Variants in NIBAN2 observed in about 807,000 individuals in gnomAD.
NIBAN2 encodes niban apoptosis regulator 2, also known as protein Niban 2.
A neutral mutation model predicts 81.8 loss-of-function variants in NIBAN2; 36 were observed. That is an observed-to-expected ratio of 0.44 (90% confidence interval 0.34 to 0.58). NIBAN2 has a LOEUF of 0.58. NIBAN2 is among the 20% of genes least tolerant of loss of function. The pLI is 0.02. For missense variants in NIBAN2, 897 were observed against 1,014.1 expected, an observed-to-expected ratio of 0.88 and a Z score of 1.57; for synonymous variants, 445 against 441.6, an observed-to-expected ratio of 1.01 and a Z score of -0.10.
intron 1 of NIBAN2, among the ~76,000 whole-genome samples, chr9:127,562,977 G>A (rs538631789): frequency 2.0e-5 from 3 of 152,186 alleles, no homozygotes; most frequent in South Asian, 2.1e-4. Context: ...TGTAATGATC[G>A]ACACAGATGG....
rs1245873840 is a variant in NIBAN2 at position 127,517,294 on chromosome 9, C to T, written c.706-78G>A. The T allele has an allele frequency of 2.4e-6, 3 of 1,270,358 alleles. No individual in the cohort carries two copies. The African/African-American group carries it at 4.4e-5, about 19-fold the overall frequency. 78.7% of individuals were successfully genotyped at this position (1,270,358 alleles called of 1,614,324 possible). A position where few individuals can be genotyped will look rare whatever the true frequency, so the allele number is the denominator to read the frequency against. ...CTGTTTCTCTCTGCATTCCCACAAG[C>T]CAGGCCGCTGCAGCCCCCACCTCCT... is the stretch of plus-strand genomic sequence containing the variant. On this transcript the variant is annotated intron_variant, in intron 6 of 13. Coordinates refer to ENST00000373312, the MANE Select transcript of NIBAN2 (RefSeq NM_022833.4). This position sits in a 1 kb window ranked among gnomAD's most constrained non-coding sequence, Gnocchi z 4.0.
intron 5 of NIBAN2, among the ~76,000 whole-genome samples, chr9:127,523,195 ATATATATATATATATATATATAT>A (rs1181621861): frequency 0.097 from 443 of 4,560 alleles, 139 homozygotes; most frequent in Non-Finnish European, 0.14. Flanking sequence ...AAAAAAAAAT[ATATATATATATATATATATATAT>A]ATATATATAT....
At chr9:127,529,156 G>T (rs980311703) in intron 2 of NIBAN2, among the ~76,000 whole-genome samples, 1 of 152,192 alleles carries the variant, frequency 6.6e-6, no homozygotes, top group South Asian at 2.1e-4. Context: ...CCAATGCCTC[G>T]GTCAGAGACA....
intron 1 of NIBAN2, among the ~76,000 whole-genome samples, chr9:127,549,987 C>T (rs186492072): frequency 1.8e-4 from 28 of 152,272 alleles, no homozygotes; most frequent in South Asian, 1.5e-3. Context: ...AGAGACCCTG[C>T]GCAGCCAACA....
Position 127,578,354 on chromosome 9 carries a change from C to CA in NIBAN2, c.16+567dup, listed in dbSNP as rs150337961. ...TGGGCAACAGAGTGAGACTTGGTCT[C>CA]AAAAAAAAAAAAAAAAAAAAAAAGT... On this transcript the variant is annotated intron_variant, in intron 1 of 13. Transcript: ENST00000373314. Among the ~76,000 whole-genome samples, 662 of 83,508 alleles carry CA rather than the reference C, an allele frequency of 7.9e-3. 5 individuals carry two copies. Among genetic ancestry groups the CA allele is most frequent in the Non-Finnish European group, 0.012 (519 of 43,742 alleles). The allele number at this position is 83,508 out of a possible 152,430, so 54.8% of individuals were successfully genotyped here.
At chr9:127,566,858 G>T (rs1236187102) in intron 1 of NIBAN2, among the ~76,000 whole-genome samples, 1 of 152,024 alleles carries the variant, frequency 6.6e-6, no homozygotes, top group Non-Finnish European at 1.5e-5. Context: ...CTTCCTCTGG[G>T]GAGACTGGGA....
At chr9:127,575,937 C>T (rs551301134) in intron 1 of NIBAN2, among the ~76,000 whole-genome samples, 4 of 152,170 alleles carry the variant, frequency 2.6e-5, no homozygotes, top group Non-Finnish European at 5.9e-5. Flanking sequence ...ACCCTGCCCC[C>T]CTACTAGGTC....
rs1230242603 is a variant in NIBAN2 at position 127,554,548 on chromosome 9, C to CTTTTT, written c.55+14267_55+14271dup. ...GGGTTATTCTTTTCTTTTTCTTTTT[C>CTTTTT]TTTTTTTTTTTTTTTTTTTTTTTGC... is the stretch of plus-strand genomic sequence containing the variant. On this transcript the variant is annotated intron_variant, in intron 1 of 13. Transcript: ENST00000373312. Among the ~76,000 whole-genome samples, 670 of 103,582 alleles carry CTTTTT rather than the reference C, an allele frequency of 6.5e-3. 1 individual carries two copies. Among genetic ancestry groups the CTTTTT allele is most frequent in the Middle Eastern group, 0.019 (2 of 106 alleles). 68.0% of individuals were successfully genotyped at this position (103,582 alleles called of 152,430 possible).
intron 5 of NIBAN2, among the ~76,000 whole-genome samples, chr9:127,519,429 C>T (rs1217907742): frequency 6.6e-6 from 1 of 152,086 alleles, no homozygotes; most frequent in East Asian, 1.9e-4. Context: ...CTCCCCTGGC[C>T]GCGTGCCTCT....
Position 127,536,918 on chromosome 9 carries a change from A to G in NIBAN2, c.56-5140T>C, listed in dbSNP as rs1457475994. On this transcript the variant is annotated intron_variant, in intron 1 of 13. Coordinates refer to ENST00000373312, the MANE Select transcript of NIBAN2 (RefSeq NM_022833.4). The surrounding 1 kb of genome is among the most constrained non-coding windows in gnomAD (Gnocchi z 4.0). ...GGGCTGGCCCGCAGGTCCTGGGCCC[A>G]GGAACTGGGGGGCTCCAGCTGGTGG... Among the ~76,000 whole-genome samples the G allele has an allele frequency of 6.6e-6, 1 of 152,186 alleles. No homozygotes were observed. The highest frequency in any genetic ancestry group is 1.5e-5 in the Non-Finnish European group (1 of 68,000).
At chr9:127,550,696 A>G (rs940210816) in intron 1 of NIBAN2, among the ~76,000 whole-genome samples, 1 of 152,086 alleles carries the variant, frequency 6.6e-6, no homozygotes, top group Non-Finnish European at 1.5e-5. Flanking sequence ...GTCCATATAA[A>G]CCAGGGCCTC....
intron 8 of NIBAN2, among the ~76,000 whole-genome samples, chr9:127,514,135 G>A (rs926859212): frequency 6.6e-6 from 1 of 151,994 alleles, no homozygotes; most frequent in Non-Finnish European, 1.5e-5. Flanking sequence ...CGGGCGTGGT[G>A]GTATGTGCCT....
chr9:127,526,739 C>T (rs577649745), intron 3 of NIBAN2, among the ~76,000 whole-genome samples: 2 of 152,244 alleles, frequency 1.3e-5, no homozygotes, highest in South Asian at 2.1e-4. Context: ...ATGTCCTTCT[C>T]GGACACCTAC....
At chr9:127,535,356 C>CCTGGG (rs1012531929) in intron 1 of NIBAN2, among the ~76,000 whole-genome samples, 6 of 152,224 alleles carry the variant, frequency 3.9e-5, no homozygotes, top group African/African-American at 1.2e-4. Context: ...CAGAAAGGCC[C>CCTGGG]CTGGGCTGGG....
At chr9:127,523,299 C>T (rs970784283) in intron 5 of NIBAN2, among the ~76,000 whole-genome samples, 2 of 129,476 alleles carry the variant, frequency 1.5e-5, no homozygotes, top group African/African-American at 5.9e-5. Context: ...GACTCTAAAT[C>T]CTCATAACCC....
chr9:127,535,077 G>A (rs566078187), intron 1 of NIBAN2, among the ~76,000 whole-genome samples: 3 of 152,342 alleles, frequency 2.0e-5, no homozygotes, highest in South Asian at 2.1e-4. Flanking sequence ...TTCTATCAAC[G>A]TGGTCGGCAG....
intron 1 of NIBAN2, among the ~76,000 whole-genome samples, chr9:127,568,556 C>T (rs1837898155): frequency 6.6e-6 from 1 of 152,118 alleles, no homozygotes; most frequent in Admixed American, 6.5e-5. Context: ...GTCCGCCAAG[C>T]CCGGGCTCCG....
At chr9:127,538,957 AAAAAG>A (rs1349926590) in intron 1 of NIBAN2, among the ~76,000 whole-genome samples, 3 of 151,976 alleles carry the variant, frequency 2.0e-5, no homozygotes, top group Admixed American at 6.6e-5. Context: ...AAAAAAAAAA[AAAAAG>A]AAAGAAATGC....
At chr9:127,514,323 G>A (rs1477909480) in intron 8 of NIBAN2, among the ~76,000 whole-genome samples, 1 of 150,190 alleles carries the variant, frequency 6.7e-6, no homozygotes, top group Non-Finnish European at 1.5e-5. Context: ...GTAACACAAA[G>A]GATAAATGCT....
Sources: gnomAD v4.1 joint callset for allele counts (sites outside exome capture counted in the v4.1 genomes callset) on GRCh38, gnomAD v4.1.1 for gene constraint, Gnocchi (gnomAD v3.1) non-coding constraint, MANE v1.5 for transcripts, NCBI Gene and HGNC (gene_info 2026-07-23, HGNC 2026-07-21) for gene names.